The following BICC1 variants were observed in gnomAD, a reference collection of about 807,000 sequenced individuals.
BICC1 encodes BicC family RNA binding protein 1.
In BICC1, 43 loss-of-function variants were observed where a neutral mutation model predicts 111.0. The ratio of observed to expected loss-of-function variants is 0.39; its 90% CI spans 0.30 to 0.50. BICC1 has a LOEUF of 0.50. Among genes scored for constraint, BICC1 ranks in the 20% least tolerant of loss-of-function variants. The pLI is 0.88. For missense variants in BICC1, 1,091 were observed against 1,203.2 expected (o/e 0.91, Z 1.38); for synonymous variants, 467 against 434.4 (o/e 1.07, Z -0.93).
intron 1 of BICC1, among the ~76,000 whole-genome samples, chr10:58,520,837 T>G (rs1842368320): frequency 6.6e-6 from 1 of 151,072 alleles, no homozygotes; most frequent in African/African-American, 2.5e-5. Flanking sequence ...GATGATATTT[T>G]AGGAATTTTT....
At chr10:58,563,552 T>C (rs1843670556) in intron 1 of BICC1, among the ~76,000 whole-genome samples, 1 of 152,192 alleles carries the variant, frequency 6.6e-6, no homozygotes, top group Non-Finnish European at 1.5e-5. Context: ...TTTTTGCCAC[T>C]TCCTTGCTAA....
intron 1 of BICC1, among the ~76,000 whole-genome samples, chr10:58,570,937 T>C (rs557930572): frequency 6.6e-6 from 1 of 152,284 alleles, no homozygotes; most frequent in East Asian, 1.9e-4. Context: ...GCTGCTGATC[T>C]TGTTTTGCTC....
chr10:58,756,191 C>A (rs1175345806), intron 3 of BICC1, among the ~76,000 whole-genome samples: 1 of 151,920 alleles, frequency 6.6e-6, no homozygotes, highest in Non-Finnish European at 1.5e-5. Context: ...AAAAAATACT[C>A]CCTTTCGTAT....
chr10:58,653,049 C>T (rs1839972037), intron 2 of BICC1, among the ~76,000 whole-genome samples: 1 of 152,034 alleles, frequency 6.6e-6, no homozygotes, highest in Non-Finnish European at 1.5e-5. Flanking sequence ...ATACAGAAAA[C>T]AAATTAGTAC....
chr10:58,794,165 T>TTGTGTG lies in BICC1; in HGVS notation c.1179+590_1179+595dup, dbSNP rs71006206. ...GAGTTGATAAGGCTACTTACATGTT[T>TTGTGTG]TGTGTGTGTGTGTGTGTGTGTGTGT... On this transcript the variant is annotated intron_variant, in intron 9 of 20. Transcript: ENST00000373886. Among the ~76,000 whole-genome samples the TTGTGTG allele has an allele frequency of 8.0e-3, 1,103 of 138,280 alleles. 6 individuals carry two copies. Among genetic ancestry groups the TTGTGTG allele is most frequent in the East Asian group, 0.015 (70 of 4,590 alleles). The allele number at this position is 138,280 out of a possible 152,430, so 90.7% of individuals were successfully genotyped here. A position where few individuals can be genotyped will look rare whatever the true frequency, so the allele number is the denominator to read the frequency against.
chr10:58,664,350 C>T (rs1022482559), intron 2 of BICC1, among the ~76,000 whole-genome samples: 19 of 152,010 alleles, frequency 1.2e-4, no homozygotes, highest in African/African-American at 4.6e-4. Flanking sequence ...ATCATTGTTT[C>T]CTTTGGTGAA....
intron 2 of BICC1, among the ~76,000 whole-genome samples, chr10:58,667,669 C>G (rs748756723): frequency 3.9e-5 from 6 of 152,040 alleles, no homozygotes; most frequent in Non-Finnish European, 7.4e-5. Context: ...GCCTGAACAT[C>G]TATTACCAGT....
intron 8 of BICC1, among the ~76,000 whole-genome samples, chr10:58,792,163 C>T (rs899328058): frequency 6.6e-6 from 1 of 151,884 alleles, no homozygotes; most frequent in Non-Finnish European, 1.5e-5. Flanking sequence ...TTCCAGCACC[C>T]AGTGGGCTAA....
chr10:58,697,276 T>A (rs1840090404), intron 2 of BICC1, among the ~76,000 whole-genome samples: 1 of 152,224 alleles, frequency 6.6e-6, no homozygotes, highest in African/African-American at 2.4e-5. Flanking sequence ...GTGAGAAATG[T>A]ACAATATCCT....
At position 58,800,329 on chromosome 10, in the gene BICC1, C is replaced by T. The variant is rs762405895; in HGVS notation, c.1858+3C>T. 25 of 1,612,958 alleles carry T rather than the reference C, an allele frequency of 1.5e-5. No individual in the cohort carries two copies. Among genetic ancestry groups the T allele is most frequent in the East Asian group, 2.2e-5 (1 of 44,784 alleles). ...TCCCAAATCAAGCCCCACTGAAGGTCGGGAACTGTACCCTTCTGAAATTCA... is the reference window on the plus strand; with the variant it reads ...TCCCAAATCAAGCCCCACTGAAGGTTGGGAACTGTACCCTTCTGAAATTCA... On this transcript the variant is annotated splice_donor_region_variant and intron_variant, in intron 13 of 20. Transcript: ENST00000373886.
chr10:58,811,190 G>A (rs1259630890), intron 17 of BICC1, among the ~76,000 whole-genome samples: 1 of 152,120 alleles, frequency 6.6e-6, no homozygotes, highest in Non-Finnish European at 1.5e-5. Flanking sequence ...CAAACAAAAG[G>A]CTGCTTTGAC....
intron 3 of BICC1, among the ~76,000 whole-genome samples, chr10:58,713,229 C>G (rs977079353): frequency 6.6e-6 from 1 of 152,164 alleles, no homozygotes; most frequent in Non-Finnish European, 1.5e-5. Flanking sequence ...GACTCTGTGA[C>G]TGCTGCTCTC....
At chr10:58,703,164 C>CTT (rs3076275) in intron 3 of BICC1, among the ~76,000 whole-genome samples, 120,206 of 130,352 alleles carry the variant, frequency 0.92, 55,927 homozygotes, top group East Asian at 0.99. Context: ...TATCTTGCTA[C>CTT]TTTTTTTTTT....
At chr10:58,657,443 A>G (rs576307089) in intron 2 of BICC1, among the ~76,000 whole-genome samples, 22 of 152,278 alleles carry the variant, frequency 1.4e-4, no homozygotes, top group Admixed American at 1.3e-4. Flanking sequence ...GGAGCTCAGT[A>G]TCATTGAGTG....
intron 1 of BICC1, among the ~76,000 whole-genome samples, chr10:58,544,566 C>T (rs1658456): frequency 0.46 from 70,196 of 151,774 alleles, 17,230 homozygotes; most frequent in Admixed American, 0.62. Context: ...ATCTGTGTTA[C>T]GTATGTAGAA....
intron 1 of BICC1, among the ~76,000 whole-genome samples, chr10:58,548,459 C>G (rs973479248): frequency 1.3e-5 from 2 of 152,150 alleles, no homozygotes; most frequent in African/African-American, 4.8e-5. Flanking sequence ...TTCACCACAG[C>G]CTGCATTCCA....
At chr10:58,795,953 A>G (rs1346052645) in intron 9 of BICC1, among the ~76,000 whole-genome samples, 2 of 152,264 alleles carry the variant, frequency 1.3e-5, no homozygotes, top group East Asian at 1.9e-4. Context: ...GAGGGGCTGT[A>G]AAAAGGGAAC....
chr10:58,585,536 A>G (rs1389456819), intron 1 of BICC1, among the ~76,000 whole-genome samples: 1 of 151,794 alleles, frequency 6.6e-6, no homozygotes, highest in Non-Finnish European at 1.5e-5. Context: ...TTCCCCTCCT[A>G]TTTTTCTTTT....
At chr10:58,638,726 G>GA (rs879323659) in intron 2 of BICC1, among the ~76,000 whole-genome samples, 1 of 152,214 alleles carries the variant, frequency 6.6e-6, no homozygotes, top group Admixed American at 6.5e-5. Flanking sequence ...CCAATGAGGA[G>GA]AAAGCAGGCA....
Sources: gnomAD v4.1 joint callset for allele counts (sites outside exome capture counted in the v4.1 genomes callset) on GRCh38, gnomAD v4.1.1 for gene constraint, MANE v1.5 for transcripts, NCBI Gene and HGNC (gene_info 2026-07-23, HGNC 2026-07-21) for gene names.